The following MPP7 variants were observed in gnomAD, a reference collection of about 807,000 sequenced individuals.
The protein encoded by MPP7 is MAGUK p55 subfamily member 7.
MPP7 carries 60 observed loss-of-function variants against 76.5 expected under a neutral mutation model. That is an observed-to-expected ratio of 0.78 (90% CI 0.64 to 0.97). The LOEUF is 0.97. Among genes scored for constraint, MPP7 ranks in the 50% least tolerant of loss-of-function variants. The pLI, the probability that MPP7 is intolerant of heterozygous loss-of-function variation, is 0.00. For missense variants in MPP7, 641 were observed against 694.0 expected (o/e 0.92, Z 0.86); for synonymous variants, 237 against 244.5 (o/e 0.97, Z 0.29).
At chr10:28,057,715 T>TTCC (rs1240434516) in intron 15 of MPP7, 3 of 1,278,752 alleles carry the variant, frequency 2.3e-6, no homozygotes, top group Non-Finnish European at 3.0e-6. Flanking sequence ...GGAGGCAGCC[T>TTCC]TCCTGATTCT....
chr10:28,234,925 C>G (rs931538029), intron 2 of MPP7, among the ~76,000 whole-genome samples: 12 of 152,228 alleles, frequency 7.9e-5, no homozygotes, highest in African/African-American at 2.9e-4. Context: ...ATCCTCCCAC[C>G]TCAGCCTTCC....
chr10:28,067,746 T>C (rs1564614244), intron 13 of MPP7, among the ~76,000 whole-genome samples: 2 of 152,194 alleles, frequency 1.3e-5, no homozygotes, highest in Non-Finnish European at 1.5e-5. Flanking sequence ...GATTGGCTTA[T>C]GGATATTTCT....
At chr10:28,321,558 T>C (rs1189182618) in intron 2 of MPP7, among the ~76,000 whole-genome samples, 1 of 152,094 alleles carries the variant, frequency 6.6e-6, no homozygotes, top group Admixed American at 6.6e-5. Context: ...TCTAAATCCT[T>C]CAGATTAGGG....
At chr10:28,312,071 G>A (rs181398896) in intron 2 of MPP7, among the ~76,000 whole-genome samples, 16 of 152,292 alleles carry the variant, frequency 1.1e-4, no homozygotes, top group Admixed American at 9.2e-4. Context: ...AGATGGCACG[G>A]ACACAAAGAG....
intron 13 of MPP7, among the ~76,000 whole-genome samples, 179 bp downstream of exon 13, chr10:28,069,593 A>T (rs545530545): frequency 6.9e-6 from 1 of 144,740 alleles, no homozygotes; most frequent in East Asian, 2.4e-4. Flanking sequence ...ACAGAGTGAG[A>T]CTCCATCTCA....
At chr10:28,089,892 A>T in intron 11 of MPP7, 51 bp from the exon 12 acceptor site, 1 of 953,022 alleles carries the variant, frequency 1.0e-6, no homozygotes, top group Non-Finnish European at 1.5e-6. Flanking sequence ...CAAAAAAGAA[A>T]CCCTCAAAAA....
In MPP7 at chr10:28,202,163, G is replaced by A; in HGVS notation, c.146C>T (p.Ser49Leu). ...ATCAGCATGGTTTACCTTTACCAAT[G>A]AATGCAGGCTTTTTTCACCAAACAT... ...WDMFGEKSLH[S>L]LVKIHEKLHY... Residue 49 changes from serine to leucine, a missense_variant, in exon 3 of 17, where the codon TCA (serine) becomes TTA (leucine). Coordinates refer to ENST00000683449, the MANE Select transcript of MPP7 (RefSeq NM_001318170.2). 2 of 1,610,038 alleles carry A rather than the reference G, an allele frequency of 1.2e-6. No individual in the cohort carries two copies. Among genetic ancestry groups the A allele is most frequent in the Non-Finnish European group, 1.7e-6 (2 of 1,176,422 alleles).
intron 3 of MPP7, among the ~76,000 whole-genome samples, chr10:28,153,568 A>C (rs772205742): frequency 1.2e-4 from 18 of 152,202 alleles, no homozygotes; most frequent in Non-Finnish European, 2.2e-4. Context: ...AACATCAGTA[A>C]AAATAAAAAT....
At position 28,238,622 on chromosome 10, in the gene MPP7, C is replaced by A. The variant is rs554829143; in HGVS notation, c.-18G>T. The A allele has an allele frequency of 1.2e-6, 2 of 1,614,108 alleles. No homozygotes were observed. The highest frequency in any genetic ancestry group is 2.7e-5 in the African/African-American group (2 of 75,058). ...GCTGGCATGATGCAAGGTGTAGGAACAGGTCAGCCCACCGCTCTCCGGACA... is the reference window on the plus strand; with the variant it reads ...GCTGGCATGATGCAAGGTGTAGGAAAAGGTCAGCCCACCGCTCTCCGGACA... On this transcript the variant is annotated 5_prime_UTR_variant, in exon 2 of 17. Coordinates refer to ENST00000683449, the MANE Select transcript of MPP7 (RefSeq NM_001318170.2).
At chr10:28,207,246 A>AGT (rs1837978263) in intron 2 of MPP7, among the ~76,000 whole-genome samples, 1 of 152,214 alleles carries the variant, frequency 6.6e-6, no homozygotes, top group African/African-American at 2.4e-5. Flanking sequence ...AAAATTCTCC[A>AGT]GTATATAAAA....
intron 11 of MPP7, among the ~76,000 whole-genome samples, chr10:28,095,194 C>CATATATATATATATAT (rs10528025): frequency 0.012 from 1,623 of 130,202 alleles, 37 homozygotes; most frequent in East Asian, 0.11. Context: ...CACACATATG[C>CATATATATATATATAT]ATATATATAT....
chr10:28,059,932 AT>A (rs1851711017), intron 13 of MPP7, among the ~76,000 whole-genome samples, 189 bp from the exon 14 acceptor site: 2 of 152,146 alleles, frequency 1.3e-5, no homozygotes, highest in Non-Finnish European at 1.5e-5. Context: ...TTAAAATTAT[AT>A]TGATTTGAAG....
chr10:28,327,569 T>C (rs1162826142), intron 2 of MPP7, among the ~76,000 whole-genome samples: 1 of 152,240 alleles, frequency 6.6e-6, no homozygotes, highest in East Asian at 1.9e-4. Context: ...TGGATTTATC[T>C]GAGTTCTAGT....
intron 1 of MPP7, among the ~76,000 whole-genome samples, chr10:28,261,376 T>C (rs1311151735): frequency 6.6e-6 from 1 of 152,168 alleles, no homozygotes; most frequent in East Asian, 1.9e-4. Context: ...CCAGTGCTTT[T>C]TATATTGAAA....
At chr10:28,157,203 T>C (rs1836094588) in intron 3 of MPP7, among the ~76,000 whole-genome samples, 1 of 151,846 alleles carries the variant, frequency 6.6e-6, no homozygotes, top group Admixed American at 6.6e-5. Context: ...GGGCGAGACT[T>C]GGTCTCAGAA....
intron 2 of MPP7, among the ~76,000 whole-genome samples, chr10:28,203,509 A>AC (rs1837849383): frequency 6.6e-6 from 1 of 151,814 alleles, no homozygotes; most frequent in African/African-American, 2.4e-5. Context: ...AAAAAAAAAA[A>AC]AAAAAAACCT....
At position 28,208,979 on chromosome 10, in the gene MPP7, CTGTT is replaced by C. The variant is rs546122392; in HGVS notation, c.38-6712_38-6709del. Among the ~76,000 whole-genome samples the C allele has an allele frequency of 1.6e-4, 24 of 152,058 alleles. No homozygotes were observed. The South Asian group carries it at 1.9e-3, about 12-fold the overall frequency. The stretch of plus-strand genomic sequence containing the variant: ...GACAGTGAGTGAGTTGTAGTGAGAC[CTGTT>C]TGTTTAAGTGTGGCACCTCCCCCCA... On this transcript the variant is annotated intron_variant, in intron 2 of 16. Coordinates refer to ENST00000683449, the MANE Select transcript of MPP7 (RefSeq NM_001318170.2).
chr10:28,219,156 C>T (rs757736072), intron 2 of MPP7, among the ~76,000 whole-genome samples: 4 of 152,136 alleles, frequency 2.6e-5, no homozygotes, highest in Non-Finnish European at 1.5e-5. Flanking sequence ...ACAAATATAA[C>T]TTATTGCTTT....
intron 11 of MPP7, among the ~76,000 whole-genome samples, chr10:28,097,275 C>A (rs545538550): frequency 6.6e-6 from 1 of 152,260 alleles, no homozygotes; most frequent in South Asian, 2.1e-4. Flanking sequence ...AGCCACCATA[C>A]CTCGCCTTTC....
Sources: allele counts gnomAD v4.1 joint callset (sites outside exome capture counted in the v4.1 genomes callset), GRCh38; gene constraint gnomAD v4.1.1; transcripts MANE v1.5; gene names NCBI Gene and HGNC (gene_info 2026-07-23, HGNC 2026-07-21).